Variants in OLFM3 observed in about 807,000 individuals in gnomAD.
The protein encoded by OLFM3 is olfactomedin 3, also known as noelin-3.
Under a neutral mutation model 48.6 loss-of-function variants are expected in OLFM3, and 20 were observed. The ratio of observed to expected loss-of-function variants is 0.41; its 90% CI spans 0.29 to 0.60. OLFM3 has a LOEUF of 0.60. Ranked by LOEUF, OLFM3 falls within the 20% of genes least tolerant of loss-of-function variation. The probability of loss-of-function intolerance (pLI) is 0.28; values close to 1 mark genes in which losing one functional copy is unlikely to be tolerated. For synonymous variants in OLFM3, 222 were observed against 198.1 expected, an observed-to-expected ratio of 1.12 and a Z score of -1.01; for missense variants, 437 against 544.3, an observed-to-expected ratio of 0.80 and a Z score of 1.96.
chr1:101,977,438 G>A (rs2101104240), intron 1 of OLFM3, among the ~76,000 whole-genome samples: 1 of 152,160 alleles, frequency 6.6e-6, no homozygotes, highest in East Asian at 1.9e-4. Flanking sequence ...GTAGAGAATT[G>A]GAACAAACTA....
At chr1:101,958,014 T>G (rs980987579) in intron 1 of OLFM3, among the ~76,000 whole-genome samples, 4 of 152,072 alleles carry the variant, frequency 2.6e-5, no homozygotes, top group African/African-American at 9.7e-5. Context: ...TGTGGCTAAA[T>G]GAATGAGCTG....
At chr1:101,923,657 T>C (rs1172204605) in intron 1 of OLFM3, among the ~76,000 whole-genome samples, 1 of 152,100 alleles carries the variant, frequency 6.6e-6, no homozygotes, top group East Asian at 1.9e-4. Context: ...AAAATTGAGT[T>C]ATCAGAAAAT....
At chr1:101,949,592 C>T (rs1316826800) in intron 1 of OLFM3, among the ~76,000 whole-genome samples, 2 of 152,054 alleles carry the variant, frequency 1.3e-5, no homozygotes, top group African/African-American at 4.8e-5. Context: ...GCAAGAGTGA[C>T]CTTTTTATAA....
Position 101,909,621 on chromosome 1 carries a change from A to G in OLFM3, c.70-72596T>C, listed in dbSNP as rs564421240. ...ACTCTCACATTTATGGTCATTCTGC[A>G]TATAAGTGTGAGCATCTAATTACTT... On this transcript the variant is annotated intron_variant, in intron 1 of 5. Transcript: ENST00000370103. 4.6e-5 allele frequency among the ~76,000 whole-genome samples: 7 copies of G among 152,356 alleles called. No homozygotes were observed. The East Asian group carries it at 1.4e-3, about 29-fold the overall frequency.
At chr1:101,881,359 GAA>G (rs1657518845) in intron 1 of OLFM3, among the ~76,000 whole-genome samples, 2 of 151,848 alleles carry the variant, frequency 1.3e-5, no homozygotes, top group South Asian at 4.1e-4. Flanking sequence ...GAGATATCCT[GAA>G]CTTAGAGCTC....
chr1:101,952,622 CAAA>C (rs1260280949), intron 1 of OLFM3, among the ~76,000 whole-genome samples: 1 of 151,910 alleles, frequency 6.6e-6, no homozygotes, highest in Non-Finnish European at 1.5e-5. Flanking sequence ...ATATCCAAGA[CAAA>C]ATCTTTTTTC....
chr1:101,953,840 C>T (rs779689342), intron 1 of OLFM3, among the ~76,000 whole-genome samples: 1 of 152,010 alleles, frequency 6.6e-6, no homozygotes, highest in Non-Finnish European at 1.5e-5. Flanking sequence ...GTATTAGTCC[C>T]TGGGTAAAAA....
At chr1:101,931,938 C>T (rs1347182556) in intron 1 of OLFM3, among the ~76,000 whole-genome samples, 1 of 152,182 alleles carries the variant, frequency 6.6e-6, no homozygotes, top group Non-Finnish European at 1.5e-5. Flanking sequence ...CTTGTTCTCA[C>T]ATGATCAACT....
intron 1 of OLFM3, among the ~76,000 whole-genome samples, chr1:101,853,493 A>G (rs951362537): frequency 5.3e-5 from 8 of 151,980 alleles, no homozygotes; most frequent in African/African-American, 1.9e-4. Flanking sequence ...CATCTTGCTT[A>G]TTATGTTTTC....
At chr1:101,987,362 T>G (rs576509160) in intron 1 of OLFM3, among the ~76,000 whole-genome samples, 78 of 152,316 alleles carry the variant, frequency 5.1e-4, no homozygotes, top group African/African-American at 1.8e-3. Context: ...CTGTTTCTAG[T>G]ACCCAACTTA....
At chr1:101,832,575 A>T (rs185592276) in intron 2 of OLFM3, among the ~76,000 whole-genome samples, 1 of 152,180 alleles carries the variant, frequency 6.6e-6, no homozygotes, top group Non-Finnish European at 1.5e-5. Flanking sequence ...AGGGGCAGGG[A>T]AGTAGCCTTC....
chr1:101,975,130 C>A (rs2101101282), intron 1 of OLFM3, among the ~76,000 whole-genome samples: 1 of 152,250 alleles, frequency 6.6e-6, no homozygotes, highest in East Asian at 1.9e-4. Flanking sequence ...CAAATTATTT[C>A]AATTATCTGA....
intron 1 of OLFM3, among the ~76,000 whole-genome samples, chr1:101,926,543 G>A (rs1327187754): frequency 6.6e-6 from 1 of 152,170 alleles, no homozygotes; most frequent in East Asian, 1.9e-4. Flanking sequence ...CTTTGGACAA[G>A]TTATCAGAGC....
intron 1 of OLFM3, among the ~76,000 whole-genome samples, chr1:101,926,904 T>C (rs1341390612): frequency 6.6e-6 from 1 of 152,076 alleles, no homozygotes; most frequent in Non-Finnish European, 1.5e-5. Flanking sequence ...AAAAAAGAAG[T>C]CCCTTACTAC....
chr1:101,854,283 C>T (rs116484192), intron 1 of OLFM3, among the ~76,000 whole-genome samples: 2,398 of 152,048 alleles, frequency 0.016, 61 homozygotes, highest in African/African-American at 0.053. Context: ...CAGTGCTTTG[C>T]CATTTTTGCC....
In OLFM3 at chr1:101,869,836, G is replaced by A. The variant is rs111997010; in HGVS notation, c.70-32811C>T. On this transcript the variant is annotated intron_variant, in intron 1 of 5. Transcript: ENST00000370103. ...CTGGTGTTTTCTCTCTCTTGCTGCC[G>A]TGTGAAGAAGGACATGTTTGCTTCC... is the stretch of plus-strand genomic sequence containing the variant. 3.4e-3 allele frequency among the ~76,000 whole-genome samples: 512 copies of A among 152,180 alleles called. 1 individual carries two copies. Among genetic ancestry groups the A allele is most frequent in the African/African-American group, 0.011 (472 of 41,516 alleles).
intron 4 of OLFM3, chr1:101,812,720 T>C (rs1449037272): frequency 1.5e-5 from 15 of 986,830 alleles, no homozygotes; most frequent in Non-Finnish European, 1.8e-5. Context: ...GGCCAAAACT[T>C]AGGACAGAAT....
At chr1:101,896,428 CATG>C (rs772765654) in intron 1 of OLFM3, among the ~76,000 whole-genome samples, 3 of 149,588 alleles carry the variant, frequency 2.0e-5, no homozygotes, top group East Asian at 4.0e-4. Flanking sequence ...ACAATTTGAA[CATG>C]ATATTTACTG....
chr1:101,927,725 TTTA>T (rs1032974519), intron 1 of OLFM3, among the ~76,000 whole-genome samples: 49 of 149,242 alleles, frequency 3.3e-4, no homozygotes, highest in African/African-American at 1.0e-3. Flanking sequence ...ATTTTTCACT[TTTA>T]TTATATTTAT....
Sources: gnomAD v4.1 joint callset for allele counts (sites outside exome capture counted in the v4.1 genomes callset) on GRCh38, gnomAD v4.1.1 for gene constraint, MANE v1.5 for transcripts, NCBI Gene and HGNC (gene_info 2026-07-23, HGNC 2026-07-21) for gene names.